Variants in PGM2L1 observed in about 807,000 individuals in gnomAD.
The protein encoded by PGM2L1 is glucose 1,6-bisphosphate synthase.
In PGM2L1, 35 loss-of-function variants were observed where a neutral mutation model predicts 73.4. The observed-to-expected ratio is 0.48, with a 90% confidence interval of 0.36 to 0.63. PGM2L1 has a LOEUF of 0.63. Ranked by LOEUF, PGM2L1 falls within the 30% of genes least tolerant of loss-of-function variation. PGM2L1 has a pLI of 0.00. For missense variants in PGM2L1, 570 were observed against 742.0 expected (o/e 0.77, Z 2.69); for synonymous variants, 225 against 253.8 (o/e 0.89, Z 1.08).
intron 5 of PGM2L1, among the ~76,000 whole-genome samples, chr11:74,367,929 G>A (rs1220823953): frequency 6.6e-6 from 1 of 152,120 alleles, no homozygotes; most frequent in Non-Finnish European, 1.5e-5. Context: ...TCCAACATAA[G>A]AAGAAAAACA....
Position 74,342,653 on chromosome 11 carries a change from G to A in PGM2L1, c.1443-3C>T. The A allele has an allele frequency of 6.5e-7, 1 of 1,540,356 alleles. No homozygotes were observed. ...TTTTTGAAATATGATAACCATATCT[G>A]TGCAAAGATTCAAAGTGCTAAAATT... On this transcript the variant is annotated splice_region_variant and splice_polypyrimidine_tract_variant and intron_variant, in intron 11 of 13. Transcript: ENST00000298198.
chr11:74,355,353 A>G (rs894907998), intron 5 of PGM2L1: 27 of 685,782 alleles, frequency 3.9e-5, no homozygotes, highest in Non-Finnish European at 6.1e-5. Context: ...CAGGAGTTCA[A>G]CAGCAGCCTG....
Position 74,370,891 on chromosome 11 carries a change from A to G in PGM2L1, c.471+11T>C. ...CAGCAAGCTATATGATCACCAACAC[A>G]ACACACTTACTACAAAAGGTGTAGG... On this transcript the variant is annotated intron_variant, in intron 4 of 13. Transcript: ENST00000298198. 6.3e-7 allele frequency: 1 copy of G among 1,596,378 alleles called. No homozygotes were observed. Among genetic ancestry groups the G allele is most frequent in the Non-Finnish European group, 8.6e-7 (1 of 1,164,944 alleles).
chr11:74,355,447 G>A (rs974787139), intron 5 of PGM2L1: 32 of 384,360 alleles, frequency 8.3e-5, no homozygotes, highest in African/African-American at 6.0e-4. Context: ...CCAGCTACTC[G>A]GGAGGCTGAG....
Position 74,340,417 on chromosome 11 carries a change from A to G in PGM2L1, c.1633-1816T>C, listed in dbSNP as rs578161297. Among the ~76,000 whole-genome samples, 3 of 152,358 alleles carry G rather than the reference A, an allele frequency of 2.0e-5. No homozygotes were observed. The South Asian group carries it at 6.2e-4, about 32-fold the overall frequency. ...TTTACAAAGATAGAAAAGTAGACAC[A>G]TATATACTCATACACAGGATATCAA... On this transcript the variant is annotated intron_variant, in intron 12 of 13. Coordinates refer to ENST00000298198, the MANE Select transcript of PGM2L1 (RefSeq NM_173582.6).
intron 1 of PGM2L1, among the ~76,000 whole-genome samples, chr11:74,384,307 T>C (rs1162947954): frequency 2.6e-5 from 4 of 152,142 alleles, no homozygotes; most frequent in Non-Finnish European, 5.9e-5. Context: ...TTTTTAAAAA[T>C]TTACTTTTTG....
chr11:74,354,672 C>G lies in PGM2L1; in HGVS notation c.556-3096G>C, dbSNP rs149950592. The G allele has an allele frequency of 1.4e-5, 16 of 1,126,728 alleles. No homozygotes were observed. The African/African-American group carries it at 2.3e-4, about 16-fold the overall frequency. The allele number at this position is 1,126,728 out of a possible 1,614,324, so 69.8% of individuals were successfully genotyped here. On this transcript the variant is annotated intron_variant, in intron 5 of 13. Transcript: ENST00000298198. Reference sequence around the variant, plus strand: ...ATGCAGCCATGAATGCAGGGCCACACAAGGTGGATGGAAGAGTTGTGGAAC... The same window carrying G: ...ATGCAGCCATGAATGCAGGGCCACAGAAGGTGGATGGAAGAGTTGTGGAAC...
rs772374257 is a variant in PGM2L1, at chr11:74,368,537, C to T, written c.510G>A (p.Val170=). 1.2e-6 allele frequency: 2 copies of T among 1,613,920 alleles called. No homozygotes were observed. Among genetic ancestry groups the T allele is most frequent in the Non-Finnish European group, 1.7e-6 (2 of 1,179,850 alleles). The stretch of plus-strand genomic sequence containing the variant: ...TGCGGTTGTGAGAGGCAGTAATCAT[C>T]ACACCTGCAACTGCTTTGAGCTTCT... The part of the protein sequence containing the change: ...AVQKLKAVAG[V]MITASHNRKE... The change falls in exon 5 of 14, where the codon GTG becomes GTA. Residue 170 remains valine (V), a synonymous_variant. Coordinates refer to ENST00000298198, the MANE Select transcript of PGM2L1 (RefSeq NM_173582.6).
At chr11:74,382,745 C>T (rs1468249057) in intron 1 of PGM2L1, among the ~76,000 whole-genome samples, 4 of 152,084 alleles carry the variant, frequency 2.6e-5, no homozygotes, top group East Asian at 1.9e-4. Flanking sequence ...GCAATACTCC[C>T]GCCTCAACCT....
chr11:74,387,673 C>T (rs1863036592), intron 1 of PGM2L1, among the ~76,000 whole-genome samples: 1 of 152,138 alleles, frequency 6.6e-6, no homozygotes, highest in Non-Finnish European at 1.5e-5. Context: ...CCTTCAAGTC[C>T]CAGCTCAAAT....
At chr11:74,362,410 G>A (rs1442165366) in intron 5 of PGM2L1, among the ~76,000 whole-genome samples, 3 of 152,078 alleles carry the variant, frequency 2.0e-5, no homozygotes, top group African/African-American at 7.2e-5. Flanking sequence ...ACATGGAAAG[G>A]AACAACCGGT....
At chr11:74,342,321 A>G in intron 12 of PGM2L1, 140 bp downstream of exon 12, 1 of 672,112 alleles carries the variant, frequency 1.5e-6, no homozygotes, top group East Asian at 3.2e-5. Context: ...GCTGTTCCAG[A>G]ATTGTCACCT....
At position 74,374,457 on chromosome 11, in the gene PGM2L1, C is replaced by A; in HGVS notation, c.237G>T (p.Gly79=). The A allele has an allele frequency of 6.2e-7, 1 of 1,613,978 alleles. No homozygotes were observed. The highest frequency in any genetic ancestry group is 1.1e-5 in the South Asian group (1 of 91,070). ...CTGTAAGGTCATTAATATAGCAAAA[C>A]CCTGCCCCCATGGCAGAACGAAGTC... ...TAGLRSAMGA[G]FCYINDLTVI... Residue 79 remains glycine (G), a synonymous_variant, in exon 2 of 14, where the codon GGG becomes GGT. Transcript: ENST00000298198.
At chr11:74,350,597 C>A (rs1335287361) in intron 6 of PGM2L1, among the ~76,000 whole-genome samples, 1 of 152,114 alleles carries the variant, frequency 6.6e-6, no homozygotes, top group Non-Finnish European at 1.5e-5. Context: ...AAACTCTAGG[C>A]TGGGCATGGT....
At chr11:74,356,936 C>T (rs1264595038) in intron 5 of PGM2L1, among the ~76,000 whole-genome samples, 5 of 151,928 alleles carry the variant, frequency 3.3e-5, no homozygotes, top group Middle Eastern at 3.2e-3. Flanking sequence ...CAGGTTCAAG[C>T]GATTCTCCTG....
chr11:74,337,619 G>C (rs993425423), intron 13 of PGM2L1, among the ~76,000 whole-genome samples: 3 of 152,100 alleles, frequency 2.0e-5, no homozygotes, highest in Admixed American at 6.5e-5. Flanking sequence ...AATTCACTTA[G>C]TCACAATTCA....
chr11:74,360,183 T>C (rs1385852640), intron 5 of PGM2L1, among the ~76,000 whole-genome samples: 1 of 151,874 alleles, frequency 6.6e-6, no homozygotes, highest in Non-Finnish European at 1.5e-5. Flanking sequence ...TGAGCTGTGA[T>C]TGTGCCACTG....
intron 5 of PGM2L1, among the ~76,000 whole-genome samples, chr11:74,366,752 G>A (rs956912048): frequency 8.6e-5 from 13 of 152,038 alleles, no homozygotes; most frequent in African/African-American, 2.4e-4. Flanking sequence ...TGCAGTGAGC[G>A]CAGGAAGGGA....
At chr11:74,366,944 G>A (rs1862669558) in intron 5 of PGM2L1, among the ~76,000 whole-genome samples, 1 of 152,156 alleles carries the variant, frequency 6.6e-6, no homozygotes, top group Admixed American at 6.5e-5. Context: ...TGGAAGCAGG[G>A]AAGAGACCAA....
Sources: allele counts gnomAD v4.1 joint callset (sites outside exome capture counted in the v4.1 genomes callset), GRCh38; gene constraint gnomAD v4.1.1; transcripts MANE v1.5; gene names NCBI Gene and HGNC (gene_info 2026-07-23, HGNC 2026-07-21).